AP2B1: variants seen among roughly 807,000 people sequenced by gnomAD.
AP2B1 encodes adaptor related protein complex 2 subunit beta 1.
In AP2B1, 23 loss-of-function variants were observed where a neutral mutation model predicts 102.0. The observed-to-expected ratio is 0.23, with a 90% confidence interval of 0.16 to 0.32. The LOEUF (loss-of-function observed/expected upper bound fraction) is 0.32, where lower values mean the gene tolerates loss of function less well. Ranked by LOEUF, AP2B1 falls within the 10% of genes least tolerant of loss-of-function variation. AP2B1 has a pLI of 1.00. For synonymous variants in AP2B1, 381 were observed against 421.2 expected (o/e 0.90, Z 1.17); for missense variants, 541 against 1,157.4 (o/e 0.47, Z 7.73).
At chr17:35,706,356 A>G (rs2076340462) in intron 18 of AP2B1, among the ~76,000 whole-genome samples, 1 of 152,238 alleles carries the variant, frequency 6.6e-6, no homozygotes, top group African/African-American at 2.4e-5. Flanking sequence ...TTCTTAGATA[A>G]CAATGTTCTA....
chr17:35,608,502 A>T, intron 5 of AP2B1, 115 bp downstream of exon 5: 1 of 1,287,730 alleles, frequency 7.8e-7, no homozygotes, highest in Non-Finnish European at 1.1e-6. Context: ...GCTATGGGAA[A>T]CATGACTTTG....
rs1555576280 is a variant in AP2B1 at position 35,680,706 on chromosome 17, T to TTG, written c.2325-1988_2325-1987insGT. On this transcript the variant is annotated intron_variant, in intron 17 of 21. Coordinates refer to ENST00000610402, the MANE Select transcript of AP2B1 (RefSeq NM_001030006.2). Reference sequence around the variant, plus strand: ...TTTTGGTTTTTTTTTTTTTGTTTTTTTTTTTTTTTTCAGACAGTCTTGCTC... The same window carrying TTG: ...TTTTGGTTTTTTTTTTTTTGTTTTTTTGTTTTTTTTTTCAGACAGTCTTGCTC... Among the ~76,000 whole-genome samples, 992 of 147,372 alleles carry TTG rather than the reference T, an allele frequency of 6.7e-3. 15 individuals carry two copies. The highest frequency in any genetic ancestry group is 0.019 in the African/African-American group (772 of 39,996).
chr17:35,667,991 G>A (rs2075505374), intron 14 of AP2B1, among the ~76,000 whole-genome samples: 1 of 141,694 alleles, frequency 7.1e-6, no homozygotes, highest in Non-Finnish European at 1.5e-5. Context: ...AGGCTGTAGT[G>A]CAATGGCATG....
At chr17:35,636,554 C>A in intron 10 of AP2B1, 98 bp downstream of exon 10, 1 of 875,822 alleles carries the variant, frequency 1.1e-6, no homozygotes, top group Non-Finnish European at 1.8e-6. Flanking sequence ...TTTGAATGTT[C>A]CTGGTCATAA....
Position 35,723,730 on chromosome 17 carries a change from T to C in AP2B1, c.*31T>C, listed in dbSNP as rs1047822657. 5.4e-6 allele frequency: 8 copies of C among 1,477,410 alleles called. No homozygotes were observed. Among genetic ancestry groups the C allele is most frequent in the East Asian group, 2.3e-5 (1 of 44,104 alleles). The allele number at this position is 1,477,410 out of a possible 1,614,324, so 91.5% of individuals were successfully genotyped here. A position where few individuals can be genotyped will look rare whatever the true frequency, so the allele number is the denominator to read the frequency against. On this transcript the variant is annotated 3_prime_UTR_variant, in exon 22 of 22. Transcript: ENST00000610402. ...CTGGTCCAGTACCCTTCAACCATGC[T>C]GTGATCGGTGCAAGTCAAGAACTCT...
intron 3 of AP2B1, among the ~76,000 whole-genome samples, chr17:35,598,864 C>T (rs2142335465): frequency 6.6e-6 from 1 of 152,302 alleles, no homozygotes; most frequent in South Asian, 2.1e-4. Flanking sequence ...TCCTAAGACC[C>T]TTTCGGGGGG....
chr17:35,598,705 C>T (rs186029299), intron 3 of AP2B1, among the ~76,000 whole-genome samples: 15 of 152,312 alleles, frequency 9.8e-5, no homozygotes, highest in African/African-American at 3.6e-4. Flanking sequence ...TGGCTCAAGC[C>T]ACTGCCCTCA....
At chr17:35,609,389 C>G (rs1305794904) in intron 5 of AP2B1, among the ~76,000 whole-genome samples, 3 of 151,674 alleles carry the variant, frequency 2.0e-5, no homozygotes, top group Admixed American at 6.6e-5. Context: ...CCTTGTCGCC[C>G]AGGCTGGAGT....
intron 14 of AP2B1, among the ~76,000 whole-genome samples, chr17:35,670,626 T>C (rs539511247): frequency 6.6e-6 from 1 of 152,304 alleles, no homozygotes; most frequent in South Asian, 2.1e-4. Flanking sequence ...ATGTCCCAGC[T>C]CCGTCTTCTT....
chr17:35,650,914 T>C (rs2075070754), intron 13 of AP2B1, 125 bp downstream of exon 13: 4 of 1,145,780 alleles, frequency 3.5e-6, no homozygotes, highest in Non-Finnish European at 4.9e-6. Context: ...GCTTTTATAG[T>C]CTGGAAAAGA....
intron 13 of AP2B1, among the ~76,000 whole-genome samples, chr17:35,657,000 C>T (rs752923303): frequency 6.6e-6 from 1 of 151,878 alleles, no homozygotes; most frequent in Non-Finnish European, 1.5e-5. Flanking sequence ...ATAATTTTTT[C>T]ACCACCCCTA....
chr17:35,592,494 A>G (rs2073132016), intron 1 of AP2B1, among the ~76,000 whole-genome samples: 1 of 152,120 alleles, frequency 6.6e-6, no homozygotes, highest in Non-Finnish European at 1.5e-5. Flanking sequence ...CTGAGACTAC[A>G]GGTACATGCC....
chr17:35,589,172 A>G (rs2073001959), intron 1 of AP2B1, among the ~76,000 whole-genome samples: 2 of 152,218 alleles, frequency 1.3e-5, no homozygotes, highest in Non-Finnish European at 2.9e-5. Flanking sequence ...TTTGTGTCTC[A>G]TAATTTCTTA....
intron 17 of AP2B1, 93 bp downstream of exon 17, chr17:35,674,414 A>C (rs2142972476): frequency 2.0e-5 from 29 of 1,461,146 alleles, no homozygotes; most frequent in Middle Eastern, 1.8e-4. Flanking sequence ...TTAAAAACTC[A>C]CATATTGGGC....
intron 14 of AP2B1, among the ~76,000 whole-genome samples, chr17:35,665,352 C>T (rs1167007154): frequency 6.6e-6 from 1 of 151,888 alleles, no homozygotes; most frequent in Non-Finnish European, 1.5e-5. Context: ...TCTTGAGCTC[C>T]GGGGCCCAGG....
At chr17:35,640,278 C>A (rs1245753697) in intron 11 of AP2B1, among the ~76,000 whole-genome samples, 2 of 140,942 alleles carry the variant, frequency 1.4e-5, no homozygotes, top group Non-Finnish European at 3.0e-5. Context: ...CTCTTGTTGC[C>A]AAGGCTGGAG....
rs587679465 is a variant in AP2B1 at position 35,716,329 on chromosome 17, C to T, written c.2627-866C>T. On this transcript the variant is annotated intron_variant, in intron 20 of 21. Transcript: ENST00000610402. ...CTCTTTCTCTGATACAGCAACATCTCATAAAGAGAGAAATAACCTTTAATT... is the reference window on the plus strand; with the variant it reads ...CTCTTTCTCTGATACAGCAACATCTTATAAAGAGAGAAATAACCTTTAATT... Among the ~76,000 whole-genome samples, 12 of 152,320 alleles carry T rather than the reference C, an allele frequency of 7.9e-5. No homozygotes were observed. The East Asian group carries it at 1.9e-3, about 24-fold the overall frequency.
intron 6 of AP2B1, among the ~76,000 whole-genome samples, chr17:35,624,817 C>A (rs1462743000): frequency 6.6e-6 from 1 of 152,136 alleles, no homozygotes; most frequent in African/African-American, 2.4e-5. Context: ...CTGCTAAAAT[C>A]TCTTTTATCG....
intron 18 of AP2B1, among the ~76,000 whole-genome samples, chr17:35,697,481 C>T (rs2076162467): frequency 6.6e-6 from 1 of 152,134 alleles, no homozygotes; most frequent in South Asian, 2.1e-4. Flanking sequence ...TTTGGAAGCT[C>T]AAAATCAGAG....
Sources: gnomAD v4.1 joint callset for allele counts (sites outside exome capture counted in the v4.1 genomes callset) on GRCh38, gnomAD v4.1.1 for gene constraint, MANE v1.5 for transcripts, NCBI Gene and HGNC (gene_info 2026-07-23, HGNC 2026-07-21) for gene names.